The following ATG7 variants were observed in gnomAD, a reference collection of about 807,000 sequenced individuals.
The protein encoded by ATG7 is autophagy related 7.
ATG7 carries 70 observed loss-of-function variants against 82.4 expected under a neutral mutation model. The observed-to-expected ratio is 0.85, with a 90% CI of 0.70 to 1.04. The LOEUF is 1.04. ATG7 is among the 50% of genes least tolerant of loss of function. The pLI is 0.00. For synonymous variants in ATG7, 287 were observed against 313.0 expected, an observed-to-expected ratio of 0.92 and a Z score of 0.88; for missense variants, 792 against 864.3, an observed-to-expected ratio of 0.92 and a Z score of 1.05.
At chr3:11,282,757 CA>C (rs1418335062) in intron 3 of ATG7, among the ~76,000 whole-genome samples, 1 of 152,184 alleles carries the variant, frequency 6.6e-6, no homozygotes, top group Admixed American at 6.5e-5. Flanking sequence ...CCCTCTTTAA[CA>C]GCCTTGCAGA....
the ATG7 span, among the ~76,000 whole-genome samples, chr3:11,564,300 T>C: frequency 6.6e-6 from 1 of 152,200 alleles, no homozygotes; most frequent in Non-Finnish European, 1.5e-5. Flanking sequence ...CTGACCAGCA[T>C]GGGCTCACAA....
chr3:11,458,465 G>A (rs1050026317), intron 20 of ATG7, among the ~76,000 whole-genome samples: 6 of 152,056 alleles, frequency 3.9e-5, no homozygotes, highest in South Asian at 2.1e-4. Context: ...GGGTTTCACC[G>A]TGTTAGCCAG....
intron 9 of ATG7, among the ~76,000 whole-genome samples, chr3:11,330,396 G>T (rs1429860925): frequency 6.6e-6 from 1 of 152,018 alleles, no homozygotes; most frequent in African/African-American, 2.4e-5. Flanking sequence ...TATACTTTGG[G>T]TTATAATTCA....
chr3:11,287,967 G>T (rs1944363108), intron 3 of ATG7, among the ~76,000 whole-genome samples: 1 of 152,186 alleles, frequency 6.6e-6, no homozygotes, highest in Non-Finnish European at 1.5e-5. Flanking sequence ...CCTGCCCGAG[G>T]CCTTTTTTTG....
intron 20 of ATG7, among the ~76,000 whole-genome samples, chr3:11,515,494 G>A (rs923588769): frequency 6.6e-6 from 1 of 152,032 alleles, no homozygotes; most frequent in African/African-American, 2.4e-5. Flanking sequence ...AGTAGAGACG[G>A]GGTTTTGCTG....
chr3:11,293,824 C>G (rs1251039939), intron 3 of ATG7, among the ~76,000 whole-genome samples: 1 of 151,630 alleles, frequency 6.6e-6, no homozygotes, highest in African/African-American at 2.4e-5. Flanking sequence ...GCACTCCAGC[C>G]TGGGCAACAG....
At chr3:11,325,127 G>A (rs1343916175) in intron 9 of ATG7, among the ~76,000 whole-genome samples, 2 of 152,188 alleles carry the variant, frequency 1.3e-5, no homozygotes, top group Non-Finnish European at 2.9e-5. Flanking sequence ...TAGCCCAGGT[G>A]TGGTGTAGTA....
At chr3:11,558,545 A>G (rs776006826), downstream of ATG7, 96 of 1,411,868 alleles carry the variant, frequency 6.8e-5, no homozygotes, top group Middle Eastern at 1.2e-3. Flanking sequence ...TTGTTGGAGG[A>G]GGCGCTCCCT....
At chr3:11,278,867 C>G (rs138325414) in intron 1 of ATG7, among the ~76,000 whole-genome samples, 2 of 152,114 alleles carry the variant, frequency 1.3e-5, no homozygotes, top group Admixed American at 6.5e-5. Flanking sequence ...GGAGGATCGA[C>G]CTAATCCAGA....
chr3:11,418,485 G>A (rs1324515405), intron 19 of ATG7, among the ~76,000 whole-genome samples: 2 of 152,166 alleles, frequency 1.3e-5, no homozygotes, highest in African/African-American at 4.8e-5. Context: ...AGTATTTACT[G>A]AGAGAACCTG....
In ATG7 at chr3:11,382,852, G is replaced by A. The variant is rs180986964; in HGVS notation, c.1956+2800G>A. Among the ~76,000 whole-genome samples, 261 of 152,164 alleles carry A rather than the reference G, an allele frequency of 1.7e-3. 1 individual carries two copies. Among genetic ancestry groups the A allele is most frequent in the African/African-American group, 6.0e-3 (249 of 41,522 alleles). On this transcript the variant is annotated intron_variant, in intron 19 of 20. Coordinates refer to ENST00000693202, the MANE Select transcript of ATG7 (RefSeq NM_001349232.2). Reference sequence around the variant, plus strand: ...TTGGAAGAATAGTACAAGGAACTCCGGTATACACTTTACCCACATTCATCC... The same window carrying A: ...TTGGAAGAATAGTACAAGGAACTCCAGTATACACTTTACCCACATTCATCC...
chr3:11,510,382 TAAAA>T, intron 20 of ATG7: 1 of 348,168 alleles, frequency 2.9e-6, no homozygotes, highest in South Asian at 2.1e-5. Flanking sequence ...TGCCCCAGTT[TAAAA>T]AAAAAAAAAA....
chr3:11,474,670 A>G (rs2153021461), intron 20 of ATG7, among the ~76,000 whole-genome samples: 1 of 152,294 alleles, frequency 6.6e-6, no homozygotes, highest in Middle Eastern at 3.4e-3. Context: ...GGAGTCGAGA[A>G]TAGATGTCAG....
intron 19 of ATG7, among the ~76,000 whole-genome samples, chr3:11,380,388 A>AT (rs1463849311): frequency 2.0e-5 from 3 of 152,076 alleles, no homozygotes; most frequent in Non-Finnish European, 4.4e-5. Flanking sequence ...TCATAGAGCA[A>AT]TTTTTTAAAG....
At chr3:11,384,112 G>A (rs573915999) in intron 19 of ATG7, among the ~76,000 whole-genome samples, 1 of 152,186 alleles carries the variant, frequency 6.6e-6, no homozygotes, top group East Asian at 1.9e-4. Flanking sequence ...GGCAGCTTCA[G>A]GTGTTCTTTG....
intron 3 of ATG7, among the ~76,000 whole-genome samples, chr3:11,287,477 G>C (rs1277155177): frequency 6.6e-6 from 1 of 152,198 alleles, no homozygotes; most frequent in Non-Finnish European, 1.5e-5. Context: ...AGTCAGAGGT[G>C]AGGAGTGACA....
intron 19 of ATG7, among the ~76,000 whole-genome samples, chr3:11,414,814 T>A (rs1271950496): frequency 6.6e-6 from 1 of 152,252 alleles, no homozygotes; most frequent in East Asian, 1.9e-4. Context: ...CCTATTGATA[T>A]GATGTGATTT....
At chr3:11,275,489 C>T (rs1941550223) in intron 1 of ATG7, among the ~76,000 whole-genome samples, 1 of 150,642 alleles carries the variant, frequency 6.6e-6, no homozygotes, top group African/African-American at 2.5e-5. Flanking sequence ...ACTGGGACTA[C>T]AGGTGCCCAC....
At chr3:11,570,526 C>A in the ATG7 span, among the ~76,000 whole-genome samples, 1 of 152,136 alleles carries the variant, frequency 6.6e-6, no homozygotes, top group African/African-American at 2.4e-5. Flanking sequence ...CTCCTTGGCT[C>A]CGCACGGGTG....
Sources: gnomAD v4.1 joint callset for allele counts (sites outside exome capture counted in the v4.1 genomes callset) on GRCh38, gnomAD v4.1.1 for gene constraint, MANE v1.5 for transcripts, NCBI Gene and HGNC (gene_info 2026-07-23, HGNC 2026-07-21) for gene names.